Variants in OR51E2 observed in about 807,000 individuals in gnomAD.
The protein encoded by OR51E2 is olfactory receptor 51E2.
In OR51E2, 14 loss-of-function variants were observed where a neutral mutation model predicts 13.7. The ratio of observed to expected loss-of-function variants is 1.02; its 90% CI spans 0.68 to 1.60. The LOEUF (loss-of-function observed/expected upper bound fraction) is 1.60. Among genes scored for constraint, OR51E2 ranks in the 40% most tolerant of loss-of-function variants. The pLI is 0.00. For missense variants in OR51E2, 483 were observed against 413.8 expected, an observed-to-expected ratio of 1.17 and a Z score of -1.45; for synonymous variants, 180 against 157.6, an observed-to-expected ratio of 1.14 and a Z score of -1.07.
chr11:4,695,993 C>G (rs1477447624), intron 1 of OR51E2, among the ~76,000 whole-genome samples: 1 of 152,092 alleles, frequency 6.6e-6, no homozygotes, highest in South Asian at 2.1e-4. Context: ...CTCCAGAGTT[C>G]TGTATTTTAA....
rs749558909 is a variant in OR51E2, at chr11:4,681,900, A to G, written c.812T>C (p.Val271Ala). The G allele has an allele frequency of 6.2e-7, 1 of 1,614,222 alleles. No individual in the cohort carries two copies. The highest frequency in any genetic ancestry group is 8.5e-7 in the Non-Finnish European group (1 of 1,180,042). ...GTAGATGTCACCCATGACAACACGC[A>G]CAATGGGATGAAGGCTGTTTCCAAA... Reference protein sequence around the residue: ...HRFGNSLHPIVRVVMGDIYLL... With the variant: ...HRFGNSLHPIARVVMGDIYLL... The change falls in exon 2 of 2, where the codon GTG (valine) becomes GCG (alanine). Residue 271 changes from valine to alanine, a missense_variant. Coordinates refer to ENST00000396950, the MANE Select transcript of OR51E2 (RefSeq NM_030774.4).
chr11:4,692,852 GAA>G lies in OR51E2; in HGVS notation c.-51+4799_-51+4800del, dbSNP rs531007820. On this transcript the variant is annotated intron_variant, in intron 1 of 1. Coordinates refer to ENST00000396950, the MANE Select transcript of OR51E2 (RefSeq NM_030774.4). ...AAGGATCACCGGAAGAAGTCTTAGT[GAA>G]AAAAAAAGGGGGGGTGGGGGTGTGA... is the stretch of plus-strand genomic sequence containing the variant. Among the ~76,000 whole-genome samples the G allele has an allele frequency of 2.2e-5, 3 of 136,668 alleles. No individual in the cohort carries two copies. In the Admixed American group the frequency reaches 2.2e-4, roughly 10 times the overall value. The allele number at this position is 136,668 out of a possible 152,430, so 89.7% of individuals were successfully genotyped here.
chr11:4,692,344 C>A (rs1016741236), intron 1 of OR51E2, among the ~76,000 whole-genome samples: 2 of 152,216 alleles, frequency 1.3e-5, no homozygotes, highest in African/African-American at 2.4e-5. Context: ...ATGGTTAGAA[C>A]ACAGACCTCC....
chr11:4,693,967 G>T (rs938211303), intron 1 of OR51E2, among the ~76,000 whole-genome samples: 1 of 152,068 alleles, frequency 6.6e-6, no homozygotes, highest in African/African-American at 2.4e-5. Flanking sequence ...TAATAAAAAT[G>T]GTTATGAAAG....
In OR51E2 at chr11:4,682,626, G is replaced by C. The variant is rs200650480; in HGVS notation, c.86C>G (p.Pro29Arg). The change falls in exon 2 of 2, where the codon CCC (proline) becomes CGC (arginine). Residue 29 changes from proline (P) to arginine (R), a missense_variant. Physicochemically the swap from Pro to Arg is moderately radical, Grantham distance 103. Transcript: ENST00000396950. ...TGCCACTACATACATGGAAAGGAGG[G>C]GGAAGCCAACCCAGAAATGGGCTTT... ...LEKAHFWVGF[P>R]LLSMYVVAMF... 6.2e-7 allele frequency: 1 copy of C among 1,614,212 alleles called. No homozygotes were observed. Among genetic ancestry groups the C allele is most frequent in the Non-Finnish European group, 8.5e-7 (1 of 1,180,046 alleles).
In OR51E2 at chr11:4,682,250, A is replaced by G. The variant is rs1172818160; in HGVS notation, c.462T>C (p.Phe154=). 6.2e-7 allele frequency: 1 copy of G among 1,614,126 alleles called. No homozygotes were observed. Among genetic ancestry groups the G allele is most frequent in the Admixed American group, 1.7e-5 (1 of 60,026 alleles). The change falls in exon 2 of 2, where the codon TTT becomes TTC. Residue 154 remains phenylalanine, a synonymous_variant. Transcript: ENST00000396950. ...TGATCAGCAGAGGCAGTGGGAAAAA[A>G]AAGAGGGATCCGCGGACCACAGCCA... is the stretch of plus-strand genomic sequence containing the variant. The part of the protein sequence containing the change: ...GIVAVVRGSL[F]FFPLPLLIKR...
chr11:4,684,457 T>C (rs949555485), intron 1 of OR51E2, among the ~76,000 whole-genome samples: 1 of 152,160 alleles, frequency 6.6e-6, no homozygotes, highest in African/African-American at 2.4e-5. Flanking sequence ...CTAAGGAACC[T>C]TCCCTGAAGA....
At position 4,694,348 on chromosome 11, in the gene OR51E2, C is replaced by T. The variant is rs117377228; in HGVS notation, c.-51+3305G>A. On this transcript the variant is annotated intron_variant, in intron 1 of 1. Transcript: ENST00000396950. The stretch of plus-strand genomic sequence containing the variant: ...ATCACTTTACAAGCATATCTTCCTG[C>T]ATCCTTCCTACGTTCACGCTGGGCT... Among the ~76,000 whole-genome samples, 806 of 151,984 alleles carry T rather than the reference C, an allele frequency of 5.3e-3. 5 individuals are homozygous for T. The highest frequency in any genetic ancestry group is 0.044 in the Middle Eastern group (13 of 294).
At chr11:4,696,559 T>G (rs181266689) in intron 1 of OR51E2, among the ~76,000 whole-genome samples, 1 of 152,296 alleles carries the variant, frequency 6.6e-6, no homozygotes, top group Admixed American at 6.5e-5. Flanking sequence ...TGAAAAAATC[T>G]TAAGTGTTTA....
chr11:4,689,693 T>C (rs1847554861), intron 1 of OR51E2, among the ~76,000 whole-genome samples: 1 of 152,170 alleles, frequency 6.6e-6, no homozygotes, highest in Admixed American at 6.6e-5. Context: ...AATTTAAAAA[T>C]TCATAAGTAA....
At chr11:4,692,941 C>A (rs1332731184) in intron 1 of OR51E2, among the ~76,000 whole-genome samples, 3 of 151,868 alleles carry the variant, frequency 2.0e-5, no homozygotes, top group African/African-American at 7.3e-5. Flanking sequence ...CACGATTTGG[C>A]CAAATAATGA....
intron 1 of OR51E2, chr11:4,691,226 T>G (rs1278330263): frequency 1.3e-5 from 6 of 456,682 alleles, no homozygotes; most frequent in Admixed American, 7.1e-5. Flanking sequence ...CTACCATTGG[T>G]GTCAGCATTA....
intron 1 of OR51E2, among the ~76,000 whole-genome samples, chr11:4,696,588 G>T (rs186477705): frequency 5.3e-5 from 8 of 152,208 alleles, no homozygotes; most frequent in African/African-American, 1.7e-4. Context: ...ACAAGAGGGG[G>T]ACTAATGAAT....
chr11:4,681,595 T>A lies in OR51E2; in HGVS notation c.*154A>T. 1.4e-6 allele frequency: 1 copy of A among 740,256 alleles called. No homozygotes were observed. The highest frequency in any genetic ancestry group is 1.8e-5 in the South Asian group (1 of 54,382). 45.9% of individuals were successfully genotyped at this position (740,256 alleles called of 1,614,324 possible). ...CTTCATTAGTATGTATTATTCCACA[T>A]AATAGTCCTTTAGGTAGATGTACCA... On this transcript the variant is annotated 3_prime_UTR_variant, in exon 2 of 2. Coordinates refer to ENST00000396950, the MANE Select transcript of OR51E2 (RefSeq NM_030774.4).
chr11:4,682,473 A>C lies in OR51E2; in HGVS notation c.239T>G (p.Ile80Ser), dbSNP rs772424122. The C allele has an allele frequency of 6.2e-7, 1 of 1,614,108 alleles. No individual in the cohort carries two copies. The highest frequency in any genetic ancestry group is 1.3e-5 in the African/African-American group (1 of 74,940). ...GGAATCAAACCAGAAAAGGGCAAGG[A>C]TCTTAGGCATGGTGGATGTGGATAA... The part of the protein sequence containing the change: ...LALSTSTMPK[I>S]LALFWFDSRE... Residue 80 changes from isoleucine (I) to serine (S), a missense_variant, in exon 2 of 2, where the codon ATC (isoleucine) becomes AGC (serine). Transcript: ENST00000396950.
intron 1 of OR51E2, chr11:4,690,580 G>C: frequency 3.9e-6 from 1 of 255,552 alleles, no homozygotes; most frequent in South Asian, 4.4e-5. Context: ...CTCCTCATCT[G>C]GAAAATAAAG....
Position 4,692,213 on chromosome 11 carries a change from T to C in OR51E2, c.-51+5440A>G, listed in dbSNP as rs139682836. On this transcript the variant is annotated intron_variant, in intron 1 of 1. Coordinates refer to ENST00000396950, the MANE Select transcript of OR51E2 (RefSeq NM_030774.4). ...ACAGACAATTTGGGAAGCCAGAAAATATGAAGAAAGAGATCATTATAATAC... is the reference window on the plus strand; with the variant it reads ...ACAGACAATTTGGGAAGCCAGAAAACATGAAGAAAGAGATCATTATAATAC... 3.6e-3 allele frequency: 1,631 copies of C among 447,252 alleles called. 10 individuals are homozygous for C. Among genetic ancestry groups the C allele is most frequent in the African/African-American group, 0.017 (845 of 49,612 alleles). The allele number at this position is 447,252 out of a possible 1,614,324, so 27.7% of individuals were successfully genotyped here. A position where few individuals can be genotyped will look rare whatever the true frequency, so the allele number is the denominator to read the frequency against.
chr11:4,690,774 T>A lies in OR51E2; in HGVS notation c.-51+6879A>T, dbSNP rs187151540. 1.2e-4 allele frequency: 49 copies of A among 408,090 alleles called. 1 individual carries two copies. The highest frequency in any genetic ancestry group is 9.1e-4 in the African/African-American group (44 of 48,426). The allele number at this position is 408,090 out of a possible 1,614,324, so 25.3% of individuals were successfully genotyped here. On this transcript the variant is annotated intron_variant, in intron 1 of 1. Coordinates refer to ENST00000396950, the MANE Select transcript of OR51E2 (RefSeq NM_030774.4). ...TCTACAATTTTATGTTTCTTTGGAATGGAGAATTTTTATCACAGCTCTACG... is the reference window on the plus strand; with the variant it reads ...TCTACAATTTTATGTTTCTTTGGAAAGGAGAATTTTTATCACAGCTCTACG...
In OR51E2 at chr11:4,680,614, G is replaced by C. The variant is rs1010658557; in HGVS notation, c.*1135C>G. 1 of 152,592 alleles carries C rather than the reference G, an allele frequency of 6.6e-6. No homozygotes were observed. The highest frequency in any genetic ancestry group is 1.5e-5 in the Non-Finnish European group (1 of 68,042). The allele number at this position is 152,592 out of a possible 1,614,324, so 9.5% of individuals were successfully genotyped here. A position where few individuals can be genotyped will look rare whatever the true frequency, so the allele number is the denominator to read the frequency against. On this transcript the variant is annotated 3_prime_UTR_variant, in exon 2 of 2. Transcript: ENST00000396950. Reference sequence around the variant, plus strand: ...CAAGCCGTGTGACTTTAGTCCCCTTGATAATATAAACTTCATTTCTCTCAC... The same window carrying C: ...CAAGCCGTGTGACTTTAGTCCCCTTCATAATATAAACTTCATTTCTCTCAC...
Sources: gnomAD v4.1 joint callset for allele counts (sites outside exome capture counted in the v4.1 genomes callset) on GRCh38, gnomAD v4.1.1 for gene constraint, MANE v1.5 for transcripts, NCBI Gene and HGNC (gene_info 2026-07-23, HGNC 2026-07-21) for gene names.